The following HDAC11 variants were observed in gnomAD, a reference collection of about 807,000 sequenced individuals.
HDAC11 encodes histone deacetylase 11.
Under a neutral mutation model 41.1 loss-of-function variants are expected in HDAC11, and 23 were observed. The ratio of observed to expected loss-of-function variants is 0.56; its 90% CI spans 0.40 to 0.79. HDAC11 has a LOEUF of 0.79. Ranked by LOEUF, HDAC11 falls within the 30% of genes least tolerant of loss-of-function variation. The pLI, the probability that HDAC11 is intolerant of heterozygous loss-of-function variation, is 0.00. For synonymous variants in HDAC11, 187 were observed against 186.6 expected, an observed-to-expected ratio of 1.00 and a Z score of -0.02; for missense variants, 402 against 477.3, an observed-to-expected ratio of 0.84 and a Z score of 1.47.
chr3:13,495,875 C>T (rs1468292209), intron 3 of HDAC11, among the ~76,000 whole-genome samples: 1 of 152,238 alleles, frequency 6.6e-6, no homozygotes, highest in African/African-American at 2.4e-5. Flanking sequence ...CCACCCAGTT[C>T]TCCTCTTCAT....
chr3:13,489,649 C>T (rs1452370656), intron 3 of HDAC11, among the ~76,000 whole-genome samples: 1 of 152,208 alleles, frequency 6.6e-6, no homozygotes, highest in Non-Finnish European at 1.5e-5. Context: ...TCACTGCAAC[C>T]TCCGTCTCCT....
intron 2 of HDAC11, among the ~76,000 whole-genome samples, chr3:13,482,942 G>T (rs1275554118): frequency 6.6e-6 from 1 of 151,996 alleles, no homozygotes. Context: ...GTAGAGATGC[G>T]GTCTCACTAT....
At position 13,505,029 on chromosome 3, in the gene HDAC11, G is replaced by A; in HGVS notation, c.*346G>A. 2.9e-6 allele frequency: 1 copy of A among 343,298 alleles called. No individual in the cohort carries two copies. The highest frequency in any genetic ancestry group is 3.6e-5 in the South Asian group (1 of 27,584). The allele number at this position is 343,298 out of a possible 1,614,324, so 21.3% of individuals were successfully genotyped here. A position where few individuals can be genotyped will look rare whatever the true frequency, so the allele number is the denominator to read the frequency against. On this transcript the variant is annotated 3_prime_UTR_variant, in exon 10 of 10. Coordinates refer to ENST00000295757, the MANE Select transcript of HDAC11 (RefSeq NM_024827.4). Reference sequence around the variant, plus strand: ...CCTGGGCTTGGGGTGTTCTGGTTTTGAGAACGGCAGACCCAGGTCGGAGTG... The same window carrying A: ...CCTGGGCTTGGGGTGTTCTGGTTTTAAGAACGGCAGACCCAGGTCGGAGTG...
At position 13,504,562 on chromosome 3, in the gene HDAC11, C is replaced by T; in HGVS notation, c.923C>T (p.Thr308Ile). The T allele has an allele frequency of 6.2e-7, 1 of 1,613,682 alleles. No individual in the cohort carries two copies. The highest frequency in any genetic ancestry group is 8.5e-7 in the Non-Finnish European group (1 of 1,180,026). The part of the protein sequence containing the change: ...MVTSGGYQKR[T>I]ARIIADSILN... Reference sequence around the variant, plus strand: ...ACCTCAGGCGGGTACCAGAAGCGCACAGCCCGCATCATTGCTGACTCCATA... The same window carrying T: ...ACCTCAGGCGGGTACCAGAAGCGCATAGCCCGCATCATTGCTGACTCCATA... Residue 308 changes from threonine (T) to isoleucine (I), a missense_variant, in exon 10 of 10, where the codon ACA becomes ATA. Transcript: ENST00000295757.
At chr3:13,503,326 A>G in intron 8 of HDAC11, 1 of 196,170 alleles carries the variant, frequency 5.1e-6, no homozygotes, top group South Asian at 8.7e-5. Flanking sequence ...GCACTTTGGG[A>G]GGCTGAAGTG....
intron 3 of HDAC11, 62 bp downstream of exon 3, chr3:13,483,626 GC>G: frequency 1.5e-6 from 2 of 1,363,908 alleles, no homozygotes; most frequent in Non-Finnish European, 2.1e-6. Context: ...GCCAGGAGTG[GC>G]CAGAGGCAGG....
intron 3 of HDAC11, among the ~76,000 whole-genome samples, chr3:13,488,242 A>T (rs1701684879): frequency 1.3e-5 from 2 of 151,560 alleles, no homozygotes; most frequent in Non-Finnish European, 2.9e-5. Context: ...TCTCTCCTTT[A>T]AAAAAAAATT....
rs768683196 is a variant in HDAC11 at position 13,504,655 on chromosome 3, C to A, written c.1016C>A (p.Thr339Lys). The change falls in exon 10 of 10, where the codon ACA (threonine) becomes AAA (lysine). Residue 339 changes from threonine (T) to lysine (K), a missense_variant. By Grantham distance (78) the Thr-to-Lys change is moderately conservative (BLOSUM62 -1). Transcript: ENST00000295757. ...AGCGTCTCCGCACAGAACTCAGACA[C>A]ACCGCTGCTTCCCCCTGCAGTGCCC... ...SPSVSAQNSD[T>K]PLLPPAVP 1 of 1,613,846 alleles carries A rather than the reference C, an allele frequency of 6.2e-7. No homozygotes were observed. Among genetic ancestry groups the A allele is most frequent in the South Asian group, 1.1e-5 (1 of 91,092 alleles).
Position 13,502,634 on chromosome 3 carries a change from G to A in HDAC11, c.553-250G>A, listed in dbSNP as rs1702425061. 1 of 422,652 alleles carries A rather than the reference G, an allele frequency of 2.4e-6. No individual in the cohort carries two copies. The highest frequency in any genetic ancestry group is 2.0e-5 in the African/African-American group (1 of 49,800). The allele number at this position is 422,652 out of a possible 1,614,324, so 26.2% of individuals were successfully genotyped here. A position where few individuals can be genotyped will look rare whatever the true frequency, so the allele number is the denominator to read the frequency against. Reference sequence around the variant, plus strand: ...ACCACAGACTTGAGAGGGTGGCAGAGCGGGATTTCTTCCTCTGATAGGGAA... The same window carrying A: ...ACCACAGACTTGAGAGGGTGGCAGAACGGGATTTCTTCCTCTGATAGGGAA... On this transcript the variant is annotated intron_variant, in intron 7 of 9. Coordinates refer to ENST00000295757, the MANE Select transcript of HDAC11 (RefSeq NM_024827.4). The surrounding 1 kb of genome is among the most constrained non-coding windows in gnomAD (Gnocchi z 4.1).
chr3:13,486,103 A>G (rs1701551966), intron 3 of HDAC11, among the ~76,000 whole-genome samples: 1 of 152,004 alleles, frequency 6.6e-6, no homozygotes, highest in African/African-American at 2.4e-5. Flanking sequence ...CCCTGTCTCT[A>G]CTAAAACTAC....
At chr3:13,487,208 T>G (rs1242712869) in intron 3 of HDAC11, among the ~76,000 whole-genome samples, 3 of 152,158 alleles carry the variant, frequency 2.0e-5, no homozygotes, top group African/African-American at 7.2e-5. Flanking sequence ...AGGCTGCAGC[T>G]CAGGAACATC....
intron 3 of HDAC11, among the ~76,000 whole-genome samples, chr3:13,494,456 G>A (rs75277194): frequency 1.3e-5 from 2 of 152,176 alleles, no homozygotes; most frequent in African/African-American, 2.4e-5. Flanking sequence ...ACACGCACAC[G>A]GACATACCTG....
intron 3 of HDAC11, among the ~76,000 whole-genome samples, chr3:13,488,527 C>T (rs1322613843): frequency 6.6e-6 from 1 of 152,140 alleles, no homozygotes; most frequent in Non-Finnish European, 1.5e-5. Flanking sequence ...AATATGTGAC[C>T]TTTTGTGTCT....
At chr3:13,493,689 GCCT>G (rs779598265) in intron 3 of HDAC11, among the ~76,000 whole-genome samples, 25 of 152,246 alleles carry the variant, frequency 1.6e-4, no homozygotes, top group Admixed American at 1.3e-4. Context: ...CCAAGTGCCA[GCCT>G]CCTCTTCACT....
At chr3:13,499,618 A>G (rs1427337318) in intron 5 of HDAC11, among the ~76,000 whole-genome samples, 1 of 152,090 alleles carries the variant, frequency 6.6e-6, no homozygotes, top group Non-Finnish European at 1.5e-5. Context: ...TGCAGGGGAG[A>G]GTCCACCTTG....
chr3:13,485,049 G>C (rs1701496554), intron 3 of HDAC11, among the ~76,000 whole-genome samples: 1 of 152,214 alleles, frequency 6.6e-6, no homozygotes, highest in South Asian at 2.1e-4. Flanking sequence ...AGGCCCCTCT[G>C]CTCCACAGGT....
intron 3 of HDAC11, among the ~76,000 whole-genome samples, chr3:13,496,310 A>G (rs1702092953): frequency 6.6e-6 from 1 of 152,238 alleles, no homozygotes; most frequent in African/African-American, 2.4e-5. Flanking sequence ...TCAGTGACTC[A>G]TTGTGTGGCC....
chr3:13,481,525 G>A, intron 2 of HDAC11, 131 bp downstream of exon 2: 1 of 989,546 alleles, frequency 1.0e-6, no homozygotes, highest in Non-Finnish European at 1.5e-6. Context: ...TTCCACCCAT[G>A]CTTCCGCCCA....
intron 4 of HDAC11, among the ~76,000 whole-genome samples, chr3:13,497,691 G>T (rs551122187): frequency 6.6e-6 from 1 of 152,238 alleles, no homozygotes; most frequent in African/African-American, 2.4e-5. Context: ...AATGTATGAG[G>T]ATCTAACCCA....
Sources: gnomAD v4.1 joint callset for allele counts (sites outside exome capture counted in the v4.1 genomes callset) on GRCh38, gnomAD v4.1.1 for gene constraint, Gnocchi (gnomAD v3.1) non-coding constraint, MANE v1.5 for transcripts, NCBI Gene and HGNC (gene_info 2026-07-23, HGNC 2026-07-21) for gene names.